LRRFIP1: variants seen among roughly 807,000 people sequenced by gnomAD.
The protein encoded by LRRFIP1 is LRR binding FLII interacting protein 1.
LRRFIP1 carries 62 observed loss-of-function variants against 104.4 expected under a neutral mutation model. The ratio of observed to expected loss-of-function variants is 0.59; its 90% CI spans 0.48 to 0.73. The LOEUF (loss-of-function observed/expected upper bound fraction) is 0.73. Among genes scored for constraint, LRRFIP1 ranks in the 30% least tolerant of loss-of-function variants. The pLI is 0.00. For missense variants in LRRFIP1, 796 were observed against 824.5 expected (o/e 0.97, Z 0.42); for synonymous variants, 300 against 299.0 (o/e 1.00, Z -0.03).
chr2:237,669,297 G>A (rs1262996944), intron 1 of LRRFIP1, among the ~76,000 whole-genome samples: 13 of 152,248 alleles, frequency 8.5e-5, no homozygotes, highest in Middle Eastern at 3.4e-3. Flanking sequence ...TTCCTGAAAG[G>A]GTGTATCAGT....
intron 11 of LRRFIP1, among the ~76,000 whole-genome samples, chr2:237,745,086 T>TTCC (rs1298662899): frequency 1.3e-5 from 2 of 152,224 alleles, no homozygotes; most frequent in Non-Finnish European, 2.9e-5. Flanking sequence ...CAACATCTGA[T>TTCC]TCCTTACCTG....
In LRRFIP1 at chr2:237,751,491, A is replaced by G. The variant is rs547311822; in HGVS notation, c.867+220A>G. On this transcript the variant is annotated intron_variant, in intron 14 of 23. Transcript: ENST00000308482. ...ATTGAAAATGTAACTGCCCAGTAGA[A>G]AAGGTTACTAACATACTCCCTGATG... is the stretch of plus-strand genomic sequence containing the variant. Among the ~76,000 whole-genome samples, 3 of 152,348 alleles carry G rather than the reference A, an allele frequency of 2.0e-5. No individual in the cohort carries two copies. The South Asian group carries it at 6.2e-4, about 32-fold the overall frequency.
intron 8 of LRRFIP1, among the ~76,000 whole-genome samples, chr2:237,731,261 C>A (rs2094992951): frequency 6.6e-6 from 1 of 152,202 alleles, no homozygotes; most frequent in Non-Finnish European, 1.5e-5. Flanking sequence ...CCGCCCTGTC[C>A]CCAATTTCCA....
chr2:237,735,622 C>G lies in LRRFIP1; in HGVS notation c.555+289C>G. 5.7e-6 allele frequency: 2 copies of G among 350,388 alleles called. No homozygotes were observed. Among genetic ancestry groups the G allele is most frequent in the Non-Finnish European group, 1.0e-5 (2 of 192,560 alleles). 21.7% of individuals were successfully genotyped at this position (350,388 alleles called of 1,614,324 possible). ...CCATACTAACAGGTGGTGAAACCGT[C>G]TTCGGTTAATAAAAACGGGAAAAGG... is the stretch of plus-strand genomic sequence containing the variant. On this transcript the variant is annotated intron_variant, in intron 10 of 23. Coordinates refer to ENST00000308482, the MANE Select transcript of LRRFIP1 (RefSeq NM_001137550.2). This position sits in a 1 kb window ranked among gnomAD's most constrained non-coding sequence, Gnocchi z 4.6.
intron 1 of LRRFIP1, among the ~76,000 whole-genome samples, chr2:237,655,896 T>C (rs980117276): frequency 2.1e-4 from 32 of 152,326 alleles, no homozygotes; most frequent in African/African-American, 7.7e-4. Context: ...AGACTCACAA[T>C]TCCACAAACA....
chr2:237,723,189 T>G (rs1399698053), intron 6 of LRRFIP1, among the ~76,000 whole-genome samples: 1 of 152,222 alleles, frequency 6.6e-6, no homozygotes, highest in African/African-American at 2.4e-5. Flanking sequence ...CTGGAAAATC[T>G]AGATTTTTAA....
chr2:237,633,363 C>A (rs2082661069), intron 1 of LRRFIP1, among the ~76,000 whole-genome samples: 1 of 152,166 alleles, frequency 6.6e-6, no homozygotes, highest in Non-Finnish European at 1.5e-5. Context: ...TTTCTGAGTC[C>A]ACAGAAAACT....
At chr2:237,695,131 C>T (rs953335563) in intron 1 of LRRFIP1, among the ~76,000 whole-genome samples, 21 of 152,186 alleles carry the variant, frequency 1.4e-4, no homozygotes, top group African/African-American at 4.8e-4. Flanking sequence ...CATGTCATTT[C>T]CCCGGGCAGG....
intron 8 of LRRFIP1, among the ~76,000 whole-genome samples, chr2:237,732,427 A>T (rs1371628609): frequency 2.6e-5 from 4 of 152,170 alleles, no homozygotes; most frequent in Admixed American, 2.0e-4. Context: ...TCCTTTTCAC[A>T]TCACTTTGTC....
At chr2:237,662,334 C>A (rs2149473133) in intron 1 of LRRFIP1, among the ~76,000 whole-genome samples, 1 of 152,282 alleles carries the variant, frequency 6.6e-6, no homozygotes, top group African/African-American at 2.4e-5. Context: ...AAGCCTATGT[C>A]CAAATAAGGC....
chr2:237,693,462 T>C (rs996664589), intron 1 of LRRFIP1, among the ~76,000 whole-genome samples: 1 of 152,228 alleles, frequency 6.6e-6, no homozygotes, highest in Non-Finnish European at 1.5e-5. Flanking sequence ...GCCAGTTCTT[T>C]GCTTGTCAGA....
chr2:237,691,027 C>T lies in LRRFIP1; in HGVS notation c.97-17517C>T, dbSNP rs2092720400. Among the ~76,000 whole-genome samples the T allele has an allele frequency of 6.6e-6, 1 of 151,788 alleles. No individual in the cohort carries two copies. Among genetic ancestry groups the T allele is most frequent in the African/African-American group, 2.4e-5 (1 of 41,070 alleles). ...CCCATTTTCCCTGCTGCACACCCTC[C>T]TGACAACTCCTGCCCTGAAGCCCTG... On this transcript the variant is annotated intron_variant, in intron 1 of 23. Coordinates refer to ENST00000308482, the MANE Select transcript of LRRFIP1 (RefSeq NM_001137550.2). This position sits in a 1 kb window ranked among gnomAD's most constrained non-coding sequence, Gnocchi z 5.4.
chr2:237,646,229 A>T (rs75948695), intron 1 of LRRFIP1, among the ~76,000 whole-genome samples: 19,583 of 151,800 alleles, frequency 0.13, 1,942 homozygotes, highest in Non-Finnish European at 0.2. Flanking sequence ...TTTAAAAAAA[A>T]ATATATATGT....
chr2:237,685,119 CACA>C (rs2092264455), intron 1 of LRRFIP1, among the ~76,000 whole-genome samples: 1 of 79,890 alleles, frequency 1.3e-5, no homozygotes, highest in African/African-American at 5.2e-5. Context: ...CCCCCCCCCA[CACA>C]AAAAAACCCC....
At chr2:237,650,554 T>G (rs1015107137) in intron 1 of LRRFIP1, among the ~76,000 whole-genome samples, 1 of 152,200 alleles carries the variant, frequency 6.6e-6, no homozygotes, top group African/African-American at 2.4e-5. Context: ...CCCTTCACAC[T>G]GACTCCTGTG....
rs1440397767 is a variant in LRRFIP1, at chr2:237,779,761, A to G, written c.*229A>G. ...GGCCCGGGCTGGCGCCGACGCTCAG[A>G]ACCTGCAGGTACTTCATAAGCACAC... On this transcript the variant is annotated 3_prime_UTR_variant, in exon 24 of 24. Transcript: ENST00000308482. The G allele has an allele frequency of 2.4e-6, 1 of 422,576 alleles. No homozygotes were observed. Among genetic ancestry groups the G allele is most frequent in the Non-Finnish European group, 4.4e-6 (1 of 227,272 alleles). 26.2% of individuals were successfully genotyped at this position (422,576 alleles called of 1,614,324 possible). A position where few individuals can be genotyped will look rare whatever the true frequency, so the allele number is the denominator to read the frequency against.
rs150858812 is a variant in LRRFIP1 at position 237,657,412 on chromosome 2, A to C, written c.96+29672A>C. The stretch of plus-strand genomic sequence containing the variant: ...CCACCATGCCCCAGAAAACATAGAG[A>C]TAGTACAGTCACTACTGAAACAGTC... On this transcript the variant is annotated intron_variant, in intron 1 of 23. Coordinates refer to ENST00000308482, the MANE Select transcript of LRRFIP1 (RefSeq NM_001137550.2). Among the ~76,000 whole-genome samples the C allele has an allele frequency of 8.2e-3, 1,242 of 152,324 alleles. 18 individuals carry two copies. Among genetic ancestry groups the C allele is most frequent in the African/African-American group, 0.029 (1,190 of 41,556 alleles).
Position 237,717,747 on chromosome 2 carries a change from C to T in LRRFIP1, c.202-15C>T. ...TTTCACTTCTTGCCTAATTTTCTTT[C>T]CCTTCTGTCTATAGAAATATTATGG... is the stretch of plus-strand genomic sequence containing the variant. On this transcript the variant is annotated splice_polypyrimidine_tract_variant and intron_variant, in intron 3 of 23. Coordinates refer to ENST00000308482, the MANE Select transcript of LRRFIP1 (RefSeq NM_001137550.2). The surrounding 1 kb of genome is among the most constrained non-coding windows in gnomAD (Gnocchi z 4.2). 1 of 1,602,348 alleles carries T rather than the reference C, an allele frequency of 6.2e-7. No homozygotes were observed. The highest frequency in any genetic ancestry group is 8.6e-7 in the Non-Finnish European group (1 of 1,169,250).
intron 23 of LRRFIP1, among the ~76,000 whole-genome samples, chr2:237,778,582 TTG>T (rs2061286653): frequency 6.6e-6 from 1 of 152,202 alleles, no homozygotes; most frequent in South Asian, 2.1e-4. Flanking sequence ...CTCTTGTTGT[TTG>T]TGTTTGTTTA....
Sources: allele counts gnomAD v4.1 joint callset (sites outside exome capture counted in the v4.1 genomes callset), GRCh38; gene constraint gnomAD v4.1.1; non-coding constraint Gnocchi (gnomAD v3.1); transcripts MANE v1.5; gene names NCBI Gene and HGNC (gene_info 2026-07-23, HGNC 2026-07-21).